DLG2: variants seen among roughly 807,000 people sequenced by gnomAD.
DLG2 encodes discs large MAGUK scaffold protein 2.
Under a neutral mutation model 132.5 loss-of-function variants are expected in DLG2, and 45 were observed. That is an observed-to-expected ratio of 0.34 (90% CI 0.27 to 0.44). DLG2 has a LOEUF of 0.44. DLG2 is among the 20% of genes least tolerant of loss of function. The pLI is 1.00. For missense variants in DLG2, 1,045 were observed against 1,196.9 expected (o/e 0.87, Z 1.87); for synonymous variants, 424 against 419.6 (o/e 1.01, Z -0.13).
chr11:83,598,277 T>A (rs1229959579), intron 19 of DLG2, among the ~76,000 whole-genome samples: 3 of 152,362 alleles, frequency 2.0e-5, no homozygotes, highest in Non-Finnish European at 4.4e-5. Context: ...TCAGAGAAGT[T>A]ATCATCGTCT....
chr11:85,301,134 G>C (rs1409345608), intron 3 of DLG2, among the ~76,000 whole-genome samples: 1 of 152,112 alleles, frequency 6.6e-6, no homozygotes, highest in Non-Finnish European at 1.5e-5. Context: ...CTGGGAGGCA[G>C]AGATTGTAGT....
At chr11:84,447,831 T>G (rs987772471) in intron 7 of DLG2, among the ~76,000 whole-genome samples, 1 of 152,104 alleles carries the variant, frequency 6.6e-6, no homozygotes, top group African/African-American at 2.4e-5. Context: ...AAAATTAAAT[T>G]TTCTTACAGC....
intron 10 of DLG2, among the ~76,000 whole-genome samples, chr11:84,062,207 A>G (rs1208439467): frequency 2.0e-5 from 3 of 152,206 alleles, no homozygotes; most frequent in Non-Finnish European, 4.4e-5. Flanking sequence ...TATGTGGATC[A>G]AGTAGGCAGC....
chr11:85,094,618 C>T (rs1013550170), intron 6 of DLG2, among the ~76,000 whole-genome samples: 1 of 152,176 alleles, frequency 6.6e-6, no homozygotes, highest in African/African-American at 2.4e-5. Flanking sequence ...AACTTTTCCT[C>T]TTGGTCTTCA....
At chr11:84,391,414 C>A (rs1328413336) in intron 7 of DLG2, among the ~76,000 whole-genome samples, 1 of 152,090 alleles carries the variant, frequency 6.6e-6, no homozygotes, top group Admixed American at 6.6e-5. Context: ...GTAGACCATC[C>A]TTTGAGACAG....
chr11:84,506,024 G>C (rs2099238504), intron 7 of DLG2, among the ~76,000 whole-genome samples: 1 of 151,382 alleles, frequency 6.6e-6, no homozygotes, highest in African/African-American at 2.4e-5. Flanking sequence ...CCTTGAGATG[G>C]CGAGTTTACG....
intron 18 of DLG2, among the ~76,000 whole-genome samples, chr11:83,768,547 A>G (rs2094242136): frequency 6.6e-6 from 1 of 152,222 alleles, no homozygotes; most frequent in Admixed American, 6.5e-5. Context: ...GTTTTAAACC[A>G]TAATCACTAC....
chr11:84,245,356 A>G (rs2097289417), intron 8 of DLG2, among the ~76,000 whole-genome samples: 1 of 152,098 alleles, frequency 6.6e-6, no homozygotes. Flanking sequence ...ATATTATATG[A>G]TATTATAATT....
At chr11:84,960,628 G>A (rs2052413614) in intron 6 of DLG2, among the ~76,000 whole-genome samples, 1 of 151,858 alleles carries the variant, frequency 6.6e-6, no homozygotes, top group African/African-American at 2.4e-5. Context: ...TAGGAGAGAT[G>A]GGGTATCACC....
chr11:85,471,569 T>C (rs1232667755), intron 3 of DLG2, among the ~76,000 whole-genome samples: 1 of 152,150 alleles, frequency 6.6e-6, no homozygotes, highest in Admixed American at 6.5e-5. Context: ...TTGAAATTAA[T>C]AGACTCAATG....
intron 4 of DLG2, among the ~76,000 whole-genome samples, chr11:85,160,713 C>T (rs573593839): frequency 1.3e-5 from 2 of 152,240 alleles, no homozygotes; most frequent in African/African-American, 4.8e-5. Context: ...GGTGTCCACT[C>T]CTGCCACCCT....
At chr11:84,601,291 AT>A (rs1490590241) in intron 6 of DLG2, among the ~76,000 whole-genome samples, 2 of 152,044 alleles carry the variant, frequency 1.3e-5, no homozygotes, top group East Asian at 3.9e-4. Context: ...TTATTGACAC[AT>A]TTTTTCCAAT....
chr11:85,320,190 T>G (rs1016065137), intron 3 of DLG2, among the ~76,000 whole-genome samples: 1 of 151,848 alleles, frequency 6.6e-6, no homozygotes, highest in African/African-American at 2.4e-5. Flanking sequence ...GAGTGAAAGC[T>G]CAAAGAATGA....
intron 15 of DLG2, among the ~76,000 whole-genome samples, chr11:83,884,438 T>A (rs1973693): frequency 3.3e-5 from 5 of 152,078 alleles, no homozygotes; most frequent in African/African-American, 7.2e-5. Flanking sequence ...ACAAAGCAGC[T>A]GGGAAACTGG....
At position 84,268,309 on chromosome 11, in the gene DLG2, T is replaced by TC. The variant is rs777971656; in HGVS notation, c.520-17019dup. Among the ~76,000 whole-genome samples the TC allele has an allele frequency of 1.2e-3, 185 of 152,170 alleles. 2 individuals carry two copies. The highest frequency in any genetic ancestry group is 2.4e-3 in the Admixed American group (36 of 15,282). ...TACATCTTTTAATTGCTGCTCCTAA[T>TC]CACACTGCAATATAGTTTTCTTGGT... On this transcript the variant is annotated intron_variant, in intron 7 of 27. Coordinates refer to ENST00000376104, the MANE Select transcript of DLG2 (RefSeq NM_001142699.3).
At chr11:85,453,502 G>C (rs958290373) in intron 3 of DLG2, 1 of 156,856 alleles carries the variant, frequency 6.4e-6, no homozygotes, top group Non-Finnish European at 1.4e-5. Context: ...AATGAAAACA[G>C]GTAGCAGCAG....
At chr11:83,847,755 A>G (rs2058903379) in intron 16 of DLG2, among the ~76,000 whole-genome samples, 1 of 152,172 alleles carries the variant, frequency 6.6e-6, no homozygotes, top group African/African-American at 2.4e-5. Flanking sequence ...CATTTCTAAA[A>G]CCACAATTCC....
At chr11:83,997,151 T>C (rs2094083225) in intron 11 of DLG2, among the ~76,000 whole-genome samples, 1 of 151,712 alleles carries the variant, frequency 6.6e-6, no homozygotes, top group East Asian at 1.9e-4. Flanking sequence ...ATAAAAATAC[T>C]TAAAGGGGTG....
At chr11:85,191,160 G>A (rs61907836) in intron 4 of DLG2, among the ~76,000 whole-genome samples, 2,614 of 100,996 alleles carry the variant, frequency 0.026, 36 homozygotes, top group East Asian at 0.061. Context: ...GCGCGCACGC[G>A]CGCACACACA....
Sources: allele counts gnomAD v4.1 joint callset (sites outside exome capture counted in the v4.1 genomes callset), GRCh38; gene constraint gnomAD v4.1.1; transcripts MANE v1.5; gene names NCBI Gene and HGNC (gene_info 2026-07-23, HGNC 2026-07-21).